The following SPATA21 variants were observed in gnomAD, a reference collection of about 807,000 sequenced individuals.
SPATA21 encodes the protein spermatogenesis-associated protein 21.
In SPATA21, 47 loss-of-function variants were observed where a neutral mutation model predicts 54.8. The observed-to-expected ratio is 0.86, with a 90% CI of 0.68 to 1.09. The LOEUF (loss-of-function observed/expected upper bound fraction) is 1.09. Ranked by LOEUF, SPATA21 falls within the 50% of genes least tolerant of loss-of-function variation. The pLI is 0.00. For missense variants in SPATA21, 599 were observed against 596.4 expected (o/e 1.00, Z -0.05); for synonymous variants, 245 against 235.3 (o/e 1.04, Z -0.38).
chr1:16,399,309 G>A (rs767033999), intron 12 of SPATA21, 35 bp downstream of exon 12: 2 of 1,558,520 alleles, frequency 1.3e-6, no homozygotes, highest in Non-Finnish European at 1.7e-6. Flanking sequence ...GAATCTGGAA[G>A]GGCCTGGGCT....
chr1:16,423,613 A>G (rs1382195994), intron 3 of SPATA21, among the ~76,000 whole-genome samples: 1 of 130,398 alleles, frequency 7.7e-6, no homozygotes, highest in Non-Finnish European at 1.5e-5. Flanking sequence ...GCATGATCTC[A>G]GCTCACTGCA....
Position 16,409,075 on chromosome 1 carries a change from G to T in SPATA21, c.673+43C>A, listed in dbSNP as rs370681757. 5 of 1,605,688 alleles carry T rather than the reference G, an allele frequency of 3.1e-6. No homozygotes were observed. Among genetic ancestry groups the T allele is most frequent in the African/African-American group, 1.3e-5 (1 of 74,730 alleles). On this transcript the variant is annotated intron_variant, in intron 7 of 12. Transcript: ENST00000335496. The surrounding 1 kb of genome is among the most constrained non-coding windows in gnomAD (Gnocchi z 4.1). ...CGCCTATAAACCCCCAAGGACCAAG[G>T]GTCCTGCCTGTGCTGGGACCTCCCT...
At chr1:16,425,964 G>A (rs2086306925) in intron 3 of SPATA21, among the ~76,000 whole-genome samples, 1 of 152,070 alleles carries the variant, frequency 6.6e-6, no homozygotes, top group Non-Finnish European at 1.5e-5. Context: ...GCCCAGGCTG[G>A]TCTTGAACTC....
chr1:16,418,548 A>C (rs995377759), intron 5 of SPATA21, among the ~76,000 whole-genome samples: 9 of 151,710 alleles, frequency 5.9e-5, no homozygotes, highest in Non-Finnish European at 1.0e-4. Flanking sequence ...CTGGGATTAC[A>C]AGCATGAGCC....
In SPATA21 at chr1:16,398,744, T is replaced by G; in HGVS notation, c.*21A>C. 1 of 1,613,746 alleles carries G rather than the reference T, an allele frequency of 6.2e-7. No homozygotes were observed. Among genetic ancestry groups the G allele is most frequent in the Non-Finnish European group, 8.5e-7 (1 of 1,179,754 alleles). On this transcript the variant is annotated 3_prime_UTR_variant, in exon 13 of 13. Transcript: ENST00000335496. ...TGTCTACAGGCCTTGAGCAGCTGCC[T>G]AGAGTCAGGCCTCCAGAGGGTCAGT...
rs748799036 is a variant in SPATA21, at chr1:16,431,330, G to C, written c.34+8C>G. The C allele has an allele frequency of 1.2e-6, 2 of 1,614,096 alleles. No individual in the cohort carries two copies. The highest frequency in any genetic ancestry group is 1.7e-6 in the Non-Finnish European group (2 of 1,180,014). On this transcript the variant is annotated splice_region_variant and intron_variant, in intron 3 of 12. Transcript: ENST00000335496. ...GACTTGGCTGCGTCCCTGGAGCCTT[G>C]GTTCTACCCTCCGTGTACATCTGGG...
chr1:16,431,658 T>C (rs532986727), intron 2 of SPATA21, among the ~76,000 whole-genome samples: 2 of 152,264 alleles, frequency 1.3e-5, no homozygotes, highest in South Asian at 4.2e-4. Context: ...GCACAAGACT[T>C]GCCCAAGATC....
At chr1:16,413,719 T>A (rs928037072) in intron 5 of SPATA21, among the ~76,000 whole-genome samples, 4 of 152,138 alleles carry the variant, frequency 2.6e-5, no homozygotes, top group African/African-American at 7.2e-5. Flanking sequence ...TTCAAGCGAT[T>A]CTCCTGCCTC....
downstream of SPATA21, chr1:16,396,439 C>G (rs61769431): frequency 0.084 from 12,756 of 152,244 alleles, 702 homozygotes; most frequent in Non-Finnish European, 0.12. Context: ...ACCCCTTTTT[C>G]CAGAGCGAGG....
rs112262019 is a variant in SPATA21 at position 16,403,908 on chromosome 1, C to T, written c.883+60G>A. 7.4e-5 allele frequency: 119 copies of T among 1,612,972 alleles called. No homozygotes were observed. In the African/African-American group the frequency reaches 1.0e-3, roughly 14 times the overall value. On this transcript the variant is annotated intron_variant, in intron 9 of 12. Transcript: ENST00000335496. ...AGTCCTGAATGCCCTCTTCTCTCCCCGCAACCAACCTCCCAGCCCCTCCTC... is the reference window on the plus strand; with the variant it reads ...AGTCCTGAATGCCCTCTTCTCTCCCTGCAACCAACCTCCCAGCCCCTCCTC...
At chr1:16,398,963 A>C (rs955309040) in intron 12 of SPATA21, 141 bp from the exon 13 acceptor site, 16 of 922,706 alleles carry the variant, frequency 1.7e-5, no homozygotes, top group Non-Finnish European at 2.4e-5. Context: ...AGTTGTGCTT[A>C]GGGGCCTGAT....
At chr1:16,411,789 CAAA>C (rs1170429146) in intron 5 of SPATA21, among the ~76,000 whole-genome samples, 1 of 35,166 alleles carries the variant, frequency 2.8e-5, no homozygotes, top group Non-Finnish European at 5.9e-5. Context: ...GACTCTGTCT[CAAA>C]AAAAAAAAAA....
chr1:16,429,930 C>T lies in SPATA21; in HGVS notation c.34+1408G>A, dbSNP rs368925350. Among the ~76,000 whole-genome samples, 241 of 149,004 alleles carry T rather than the reference C, an allele frequency of 1.6e-3. 2 individuals are homozygous for T. The highest frequency in any genetic ancestry group is 4.0e-3 in the African/African-American group (163 of 40,674). On this transcript the variant is annotated intron_variant, in intron 3 of 12. Transcript: ENST00000335496. ...CTGTAATCCTAACATTTTGGGAGGC[C>T]GAGGTGGGCGGATCACTTGGGGTCA...
intron 10 of SPATA21, among the ~76,000 whole-genome samples, chr1:16,403,155 C>T (rs1301969879): frequency 6.6e-6 from 1 of 152,168 alleles, no homozygotes; most frequent in Admixed American, 6.5e-5. Flanking sequence ...CCCACCTGCC[C>T]TGGAGACACG....
intron 2 of SPATA21, 96 bp from the exon 3 acceptor site, chr1:16,431,518 C>A: frequency 8.1e-7 from 1 of 1,238,926 alleles, no homozygotes; most frequent in Non-Finnish European, 1.1e-6. Context: ...CAGCCTGGCT[C>A]GAGGGAAGAG....
chr1:16,425,719 G>A, intron 3 of SPATA21: 1 of 1,548,956 alleles, frequency 6.5e-7, no homozygotes, highest in Non-Finnish European at 8.7e-7. Context: ...GGACCCAAGA[G>A]GGCTGTTTCT....
Position 16,405,052 on chromosome 1 carries a change from C to G in SPATA21, c.726G>C (p.Gln242His), listed in dbSNP as rs1354707891. The G allele has an allele frequency of 1.5e-5, 24 of 1,610,372 alleles. No homozygotes were observed. The highest frequency in any genetic ancestry group is 2.0e-5 in the Non-Finnish European group (23 of 1,178,824). The change falls in exon 8 of 13, where the codon CAG (glutamine) becomes CAC (histidine). Residue 242 changes from glutamine to histidine, a missense_variant. Gln to His is a conservative substitution (Grantham distance 24). Transcript: ENST00000335496. ...TTAGGAGCAGGATATTCTTCAGGCT[C>G]TGTGCATCCACCTCACCAGGACCAT... is the stretch of plus-strand genomic sequence containing the variant. ...IFNGPGEVDA[Q>H]SLKNILLLMG...
chr1:16,419,455 C>T (rs1028363064), intron 5 of SPATA21, among the ~76,000 whole-genome samples: 1 of 151,988 alleles, frequency 6.6e-6, no homozygotes, highest in African/African-American at 2.4e-5. Flanking sequence ...CTTGTTGACA[C>T]GTGAAAGGAT....
chr1:16,418,505 C>G (rs906957545), intron 5 of SPATA21, among the ~76,000 whole-genome samples: 5 of 151,990 alleles, frequency 3.3e-5, no homozygotes, highest in African/African-American at 1.2e-4. Context: ...ATCTCCTGAC[C>G]TCATGATCCT....
Sources: gnomAD v4.1 joint callset for allele counts (sites outside exome capture counted in the v4.1 genomes callset) on GRCh38, gnomAD v4.1.1 for gene constraint, Gnocchi (gnomAD v3.1) non-coding constraint, MANE v1.5 for transcripts, NCBI Gene and HGNC (gene_info 2026-07-23, HGNC 2026-07-21) for gene names.